The following CDH11 variants were observed in gnomAD, a reference collection of about 807,000 sequenced individuals.
CDH11 encodes the protein cadherin 11.
CDH11 carries 11 observed loss-of-function variants against 67.8 expected under a neutral mutation model. The observed-to-expected ratio is 0.16, with a 90% CI of 0.10 to 0.27. The LOEUF is 0.27. Among genes scored for constraint, CDH11 ranks in the 10% least tolerant of loss-of-function variants. The probability of loss-of-function intolerance (pLI) is 1.00; values close to 1 mark genes in which losing one functional copy is unlikely to be tolerated. For missense variants in CDH11, 847 were observed against 1,031.2 expected (o/e 0.82, Z 2.45); for synonymous variants, 419 against 400.0 (o/e 1.05, Z -0.57).
chr16:64,990,165 T>C (rs148573763), intron 6 of CDH11, among the ~76,000 whole-genome samples: 3 of 152,202 alleles, frequency 2.0e-5, no homozygotes, highest in African/African-American at 4.8e-5. Context: ...TGATTGTCTA[T>C]GACCAAGGGC....
chr16:64,960,643 T>C (rs989980395), intron 11 of CDH11, among the ~76,000 whole-genome samples: 1 of 152,044 alleles, frequency 6.6e-6, no homozygotes, highest in Non-Finnish European at 1.5e-5. Flanking sequence ...CACATGGACA[T>C]GTGAGAGCAT....
At chr16:65,064,928 G>C (rs945446573) in intron 1 of CDH11, among the ~76,000 whole-genome samples, 4 of 152,202 alleles carry the variant, frequency 2.6e-5, no homozygotes, top group African/African-American at 7.2e-5. Flanking sequence ...TTATTTTATG[G>C]ACAGGGAGAC....
At chr16:65,002,238 A>G (rs1027610993) in intron 3 of CDH11, among the ~76,000 whole-genome samples, 10 of 151,352 alleles carry the variant, frequency 6.6e-5, no homozygotes, top group Admixed American at 2.0e-4. Flanking sequence ...TTTTTTTTCT[A>G]TATTTTCTTC....
chr16:65,119,648 C>T (rs1249015335), intron 1 of CDH11, among the ~76,000 whole-genome samples: 1 of 152,172 alleles, frequency 6.6e-6, no homozygotes. Context: ...CTTCATTCCC[C>T]CTTTCCCAGG....
At chr16:65,065,267 G>A (rs1248939725) in intron 1 of CDH11, among the ~76,000 whole-genome samples, 2 of 152,178 alleles carry the variant, frequency 1.3e-5, no homozygotes. Flanking sequence ...TGTGACGCAT[G>A]CCGTGCATTT....
At chr16:65,100,089 A>G (rs758938966) in intron 1 of CDH11, among the ~76,000 whole-genome samples, 40 of 152,186 alleles carry the variant, frequency 2.6e-4, no homozygotes, top group Non-Finnish European at 1.8e-4. Flanking sequence ...CTGGCAATGG[A>G]CTGGGTGTGA....
At chr16:65,014,313 T>TA (rs11381705) in intron 2 of CDH11, among the ~76,000 whole-genome samples, 40,099 of 152,164 alleles carry the variant, frequency 0.26, 6,033 homozygotes, top group Non-Finnish European at 0.35. Context: ...GCCATATATT[T>TA]AAAAGTTCAA....
chr16:64,981,844 G>T, intron 8 of CDH11: 1 of 467,978 alleles, frequency 2.1e-6, no homozygotes, highest in Non-Finnish European at 3.7e-6. Flanking sequence ...AAGTCATGTA[G>T]CTTGAACAAT....
intron 1 of CDH11, among the ~76,000 whole-genome samples, chr16:65,066,927 G>A (rs1429167204): frequency 4.6e-5 from 7 of 152,188 alleles, no homozygotes; most frequent in Non-Finnish European, 1.0e-4. Context: ...CAGGATGTAA[G>A]AGCCAAATGA....
At chr16:65,011,815 A>T (rs1403727790) in intron 2 of CDH11, among the ~76,000 whole-genome samples, 1 of 152,228 alleles carries the variant, frequency 6.6e-6, no homozygotes, top group Non-Finnish European at 1.5e-5. Flanking sequence ...TGTATGAGCT[A>T]AGATACCTGA....
At chr16:65,014,542 A>G (rs1476904004) in intron 2 of CDH11, among the ~76,000 whole-genome samples, 1 of 152,180 alleles carries the variant, frequency 6.6e-6, no homozygotes, top group Non-Finnish European at 1.5e-5. Flanking sequence ...GCTAGTGGCC[A>G]CCATCTAGGC....
chr16:64,959,177 T>C (rs1430741223), intron 11 of CDH11, among the ~76,000 whole-genome samples: 1 of 152,184 alleles, frequency 6.6e-6, no homozygotes, highest in African/African-American at 2.4e-5. Flanking sequence ...AAACAAGAAG[T>C]ACAATAAAGA....
At chr16:65,039,758 T>A (rs546256752) in intron 2 of CDH11, among the ~76,000 whole-genome samples, 4 of 152,128 alleles carry the variant, frequency 2.6e-5, no homozygotes, top group African/African-American at 9.6e-5. Context: ...GAAACTACCA[T>A]CAGAGTGAAC....
intron 11 of CDH11, chr16:64,968,669 A>C: frequency 2.3e-6 from 1 of 439,560 alleles, no homozygotes; most frequent in Non-Finnish European, 3.0e-6. Flanking sequence ...CTTATGCCGG[A>C]GTTTAGGCAA....
chr16:65,107,272 CA>C (rs2075080717), intron 1 of CDH11, among the ~76,000 whole-genome samples: 3 of 152,200 alleles, frequency 2.0e-5, no homozygotes, highest in Non-Finnish European at 4.4e-5. Flanking sequence ...TCTTGATTTG[CA>C]TATTTTATAA....
chr16:64,948,662 T>C, intron 12 of CDH11: 4 of 1,611,466 alleles, frequency 2.5e-6, no homozygotes, highest in South Asian at 1.1e-5. Flanking sequence ...GGAAGTTTTA[T>C]AAAGACCCCC....
At chr16:65,095,390 T>C (rs2074872116) in intron 1 of CDH11, among the ~76,000 whole-genome samples, 1 of 152,312 alleles carries the variant, frequency 6.6e-6, no homozygotes, top group African/African-American at 2.4e-5. Flanking sequence ...TAAAGTAACT[T>C]CTAAATTAGG....
Position 64,945,311 on chromosome 16 carries a change from AAAAAAAAAG to A in CDH11, c.*2283_*2291del. 9.1e-5 allele frequency: 60 copies of A among 662,154 alleles called. No homozygotes were observed. Among genetic ancestry groups the A allele is most frequent in the South Asian group, 2.0e-4 (3 of 14,974 alleles). The allele number at this position is 662,154 out of a possible 1,614,324, so 41.0% of individuals were successfully genotyped here. The stretch of plus-strand genomic sequence containing the variant: ...CGAAAAAATAAAAGGTAAAAAAAAA[AAAAAAAAAG>A]AAAAAGAAAAACAAGTATTCTTAAC... On this transcript the variant is annotated 3_prime_UTR_variant, in exon 13 of 13. Coordinates refer to ENST00000268603, the MANE Select transcript of CDH11 (RefSeq NM_001797.4).
At chr16:65,023,865 T>C (rs893483419) in intron 2 of CDH11, among the ~76,000 whole-genome samples, 8 of 152,200 alleles carry the variant, frequency 5.3e-5, no homozygotes, top group African/African-American at 1.9e-4. Context: ...AGCTTCTTTA[T>C]TCCATATCCC....
Sources: gnomAD v4.1 joint callset for allele counts (sites outside exome capture counted in the v4.1 genomes callset) on GRCh38, gnomAD v4.1.1 for gene constraint, MANE v1.5 for transcripts, NCBI Gene and HGNC (gene_info 2026-07-23, HGNC 2026-07-21) for gene names.